The following PLCB4 variants were observed in gnomAD, a reference collection of about 807,000 sequenced individuals.
The protein encoded by PLCB4 is phospholipase C beta 4.
In PLCB4, 77 loss-of-function variants were observed where a neutral mutation model predicts 178.8. That is an observed-to-expected ratio of 0.43 (90% CI 0.36 to 0.52). The LOEUF is 0.52. PLCB4 is among the 20% of genes least tolerant of loss of function. The probability of loss-of-function intolerance (pLI) is 0.00; values close to 1 mark genes in which losing one functional copy is unlikely to be tolerated. For synonymous variants in PLCB4, 496 were observed against 490.8 expected, an observed-to-expected ratio of 1.01 and a Z score of -0.14; for missense variants, 1,024 against 1,453.4, an observed-to-expected ratio of 0.70 and a Z score of 4.80.
At chr20:9,452,247 A>G (rs945136842) in intron 32 of PLCB4, among the ~76,000 whole-genome samples, 11 of 152,226 alleles carry the variant, frequency 7.2e-5, no homozygotes, top group Admixed American at 1.3e-4. Flanking sequence ...TTCCTTCCCC[A>G]TTTATATTTT....
At chr20:9,295,409 A>G (rs2094622485) in intron 3 of PLCB4, among the ~76,000 whole-genome samples, 1 of 152,156 alleles carries the variant, frequency 6.6e-6, no homozygotes, top group Non-Finnish European at 1.5e-5. Flanking sequence ...TCTTTCATTT[A>G]CAAATATCCC....
At chr20:9,408,255 CAAGGTGG>C (rs1411652991) in intron 22 of PLCB4, among the ~76,000 whole-genome samples, 197 bp downstream of exon 22, 1 of 152,174 alleles carries the variant, frequency 6.6e-6, no homozygotes, top group African/African-American at 2.4e-5. Context: ...ACTTCAACCA[CAAGGTGG>C]CGATGAGAGA....
At chr20:9,170,902 A>G (rs1363499638) in intron 2 of PLCB4, among the ~76,000 whole-genome samples, 1 of 152,210 alleles carries the variant, frequency 6.6e-6, no homozygotes, top group Non-Finnish European at 1.5e-5. Context: ...CAGTTTTTGA[A>G]TATCTAACAT....
chr20:9,256,978 C>T (rs1179608830), intron 3 of PLCB4, among the ~76,000 whole-genome samples: 1 of 152,068 alleles, frequency 6.6e-6, no homozygotes, highest in African/African-American at 2.4e-5. Flanking sequence ...TGATTGTTCT[C>T]ATGGAGGATG....
intron 21 of PLCB4, among the ~76,000 whole-genome samples, chr20:9,406,554 T>C (rs1438158451): frequency 6.6e-6 from 1 of 151,626 alleles, no homozygotes; most frequent in Non-Finnish European, 1.5e-5. Context: ...AGTGGCGTGA[T>C]CTCCGCTCAC....
rs1458369911 is a variant in PLCB4 at position 9,423,859 on chromosome 20, A to T, written c.2431A>T (p.Ile811Phe). 6.2e-7 allele frequency: 1 copy of T among 1,613,924 alleles called. No homozygotes were observed. The highest frequency in any genetic ancestry group is 2.2e-5 in the East Asian group (1 of 44,888). Residue 811 changes from isoleucine (I) to phenylalanine (F), a missense_variant, in exon 28 of 40, where the codon ATT becomes TTT. By Grantham distance (21) the Ile-to-Phe change is conservative. Around this residue, in one of 7 missense-constraint regions of PLCB4, gnomAD observed 227 missense variants for 374.3 expected, o/e 0.61. Transcript: ENST00000378473. ...LDGLQAGYRH[I>F]SLRNEGNKPL... ...TGGCCTCCAAGCCGGATATCGACAC[A>T]TTTCCCTTCGAAATGAGGGAAATAA...
At chr20:9,320,840 A>T (rs2094951658) in intron 4 of PLCB4, among the ~76,000 whole-genome samples, 1 of 152,204 alleles carries the variant, frequency 6.6e-6, no homozygotes, top group South Asian at 2.1e-4. Context: ...AATGCAGATT[A>T]TTAGGCCCCA....
chr20:9,338,187 A>C, intron 6 of PLCB4, 120 bp downstream of exon 6: 1 of 682,030 alleles, frequency 1.5e-6, no homozygotes, highest in Non-Finnish European at 2.7e-6. Flanking sequence ...ATTTGATCTC[A>C]GTTTTGAGAA....
intron 1 of PLCB4, among the ~76,000 whole-genome samples, chr20:9,069,555 A>T (rs2089460091): frequency 6.6e-6 from 1 of 152,172 alleles, no homozygotes. Context: ...ATGCGTGTGG[A>T]TCTTCTTGCC....
intron 3 of PLCB4, among the ~76,000 whole-genome samples, chr20:9,275,621 C>T: frequency 6.6e-6 from 1 of 152,028 alleles, no homozygotes; most frequent in Non-Finnish European, 1.5e-5. Context: ...CTCACGGCCA[C>T]AGTCTAATTT....
intron 3 of PLCB4, among the ~76,000 whole-genome samples, chr20:9,259,379 A>C (rs1231393288): frequency 5.3e-5 from 8 of 152,214 alleles, no homozygotes; most frequent in Non-Finnish European, 1.2e-4. Flanking sequence ...ACATGATATC[A>C]CCTTGACAAA....
chr20:9,437,263 AC>A (rs1013321376), intron 30 of PLCB4, 111 bp downstream of exon 30: 2 of 962,096 alleles, frequency 2.1e-6, no homozygotes, highest in Admixed American at 2.8e-5. Context: ...GTGGGAAAGA[AC>A]CTTTTACATA....
At chr20:9,408,269 G>GAGACT (rs1413176981) in intron 22 of PLCB4, among the ~76,000 whole-genome samples, 2 of 152,196 alleles carry the variant, frequency 1.3e-5, no homozygotes, top group African/African-American at 4.8e-5. Flanking sequence ...GTGGCGATGA[G>GAGACT]AGACTATGGA....
At chr20:9,199,371 T>G (rs972539805) in intron 2 of PLCB4, among the ~76,000 whole-genome samples, 1 of 152,178 alleles carries the variant, frequency 6.6e-6, no homozygotes, top group African/African-American at 2.4e-5. Flanking sequence ...CAATAAGCAT[T>G]TATTAAACAG....
chr20:9,322,259 C>T (rs1017750391), intron 4 of PLCB4, among the ~76,000 whole-genome samples: 5 of 151,706 alleles, frequency 3.3e-5, no homozygotes, highest in African/African-American at 9.7e-5. Flanking sequence ...GTGCCTGGCC[C>T]CTAGTCTTTA....
At chr20:9,414,574 A>G (rs1309513772) in intron 25 of PLCB4, among the ~76,000 whole-genome samples, 2 of 152,204 alleles carry the variant, frequency 1.3e-5, no homozygotes, top group African/African-American at 4.8e-5. Context: ...TGTTTTATAT[A>G]GAACATCAGT....
chr20:9,315,246 A>T (rs1039477952), intron 4 of PLCB4, among the ~76,000 whole-genome samples: 9 of 152,348 alleles, frequency 5.9e-5, no homozygotes, highest in Admixed American at 3.3e-4. Flanking sequence ...ATTAGGCTAC[A>T]ACAAGCTATA....
At chr20:9,127,708 G>A (rs1406638600) in intron 2 of PLCB4, among the ~76,000 whole-genome samples, 10 of 150,406 alleles carry the variant, frequency 6.6e-5, no homozygotes, top group Admixed American at 5.3e-4. Context: ...CTATCTAAAC[G>A]GAGTCTTGCT....
chr20:9,281,264 A>G (rs1394746312), intron 3 of PLCB4, among the ~76,000 whole-genome samples: 1 of 152,042 alleles, frequency 6.6e-6, no homozygotes, highest in Non-Finnish European at 1.5e-5. Flanking sequence ...GGACCATCAC[A>G]TAAAGTCTCT....
Sources: gnomAD v4.1 joint callset for allele counts (sites outside exome capture counted in the v4.1 genomes callset) on GRCh38, gnomAD v4.1.1 for gene constraint, gnomAD v4.1.1 regional missense constraint, MANE v1.5 for transcripts, NCBI Gene and HGNC (gene_info 2026-07-23, HGNC 2026-07-21) for gene names.